The following PAIP2 variants were observed in gnomAD, a reference collection of about 807,000 sequenced individuals.
PAIP2 encodes the protein poly(A) binding protein interacting protein 2, also known as polyadenylate-binding protein-interacting protein 2.
In PAIP2, 7 loss-of-function variants were observed where a neutral mutation model predicts 14.8. That is an observed-to-expected ratio of 0.47 (90% confidence interval 0.27 to 0.89). The LOEUF (loss-of-function observed/expected upper bound fraction) is 0.89, where lower values mean the gene tolerates loss of function less well. PAIP2 is among the 40% of genes least tolerant of loss of function. The probability of loss-of-function intolerance (pLI) is 0.13; values close to 1 mark genes in which losing one functional copy is unlikely to be tolerated. For missense variants in PAIP2, 122 were observed against 154.7 expected (o/e 0.79, Z 1.12); for synonymous variants, 47 against 45.3 (o/e 1.04, Z -0.15).
intron 3 of PAIP2, among the ~76,000 whole-genome samples, chr5:139,368,160 C>A (rs1561967505): frequency 6.6e-6 from 1 of 152,082 alleles, no homozygotes; most frequent in Non-Finnish European, 1.5e-5. Context: ...ATGGTGAAAC[C>A]CCGTCTTTAC....
chr5:139,351,116 A>G (rs1034007157), intron 1 of PAIP2, among the ~76,000 whole-genome samples: 1 of 152,244 alleles, frequency 6.6e-6, no homozygotes, highest in East Asian at 1.9e-4. Context: ...CAAAAATAAA[A>G]TACAATACAT....
In PAIP2 at chr5:139,369,324, A is replaced by G. The variant is rs969701254; in HGVS notation, c.*526A>G. On this transcript the variant is annotated 3_prime_UTR_variant, in exon 4 of 4. Transcript: ENST00000265192. Reference sequence around the variant, plus strand: ...TTAGTCAGCAGATGAGTGCCAGTCCAGCCTTTTCTGGTATGTTATTGTTAG... The same window carrying G: ...TTAGTCAGCAGATGAGTGCCAGTCCGGCCTTTTCTGGTATGTTATTGTTAG... 6 of 152,914 alleles carry G rather than the reference A, an allele frequency of 3.9e-5. No homozygotes were observed. The highest frequency in any genetic ancestry group is 1.2e-4 in the African/African-American group (5 of 41,472). 9.5% of individuals were successfully genotyped at this position (152,914 alleles called of 1,614,324 possible).
chr5:139,367,472 C>G (rs1038943593), intron 3 of PAIP2: 2 of 152,114 alleles, frequency 1.3e-5, no homozygotes, highest in Non-Finnish European at 2.9e-5. Context: ...GCCCATTCCC[C>G]CCCACCCCTT....
intron 1 of PAIP2, among the ~76,000 whole-genome samples, chr5:139,359,246 C>G (rs1026504289): frequency 6.6e-6 from 1 of 152,134 alleles, no homozygotes; most frequent in South Asian, 2.1e-4. Flanking sequence ...AAGTGATTCT[C>G]CTGCCTCAGC....
intron 1 of PAIP2, among the ~76,000 whole-genome samples, chr5:139,360,831 A>G (rs886945614): frequency 6.6e-6 from 1 of 151,456 alleles, no homozygotes; most frequent in Middle Eastern, 3.4e-3. Context: ...CCCAGGCTGA[A>G]GTGCAGTGAT....
At chr5:139,367,971 A>T (rs559968345) in intron 3 of PAIP2, among the ~76,000 whole-genome samples, 1 of 152,290 alleles carries the variant, frequency 6.6e-6, no homozygotes, top group East Asian at 1.9e-4. Context: ...TAGGAGGCCG[A>T]GGCAGGCAGA....
At chr5:139,365,501 A>G (rs1483386554) in intron 3 of PAIP2, among the ~76,000 whole-genome samples, 1 of 152,058 alleles carries the variant, frequency 6.6e-6, no homozygotes, top group East Asian at 1.9e-4. Context: ...AAAAAAAGAA[A>G]AAAAAAATAC....
At chr5:139,351,963 C>G (rs1241281830) in intron 1 of PAIP2, among the ~76,000 whole-genome samples, 1 of 152,096 alleles carries the variant, frequency 6.6e-6, no homozygotes, top group Non-Finnish European at 1.5e-5. Flanking sequence ...TAAATTTGTG[C>G]AAAGACCCTG....
intron 3 of PAIP2, 66 bp from the exon 4 acceptor site, chr5:139,368,667 A>C: frequency 2.9e-6 from 3 of 1,047,836 alleles, no homozygotes; most frequent in Non-Finnish European, 4.4e-6. Flanking sequence ...TTGCATGAGG[A>C]TCTAGATTGA....
chr5:139,358,628 C>G (rs1756985247), intron 1 of PAIP2, among the ~76,000 whole-genome samples: 1 of 152,130 alleles, frequency 6.6e-6, no homozygotes, highest in African/African-American at 2.4e-5. Flanking sequence ...GCTCATTAAT[C>G]AGAGTAGATA....
chr5:139,360,336 T>C (rs1391843110), intron 1 of PAIP2, among the ~76,000 whole-genome samples: 1 of 152,170 alleles, frequency 6.6e-6, no homozygotes, highest in Admixed American at 6.5e-5. Flanking sequence ...TTCATCCAAG[T>C]TTAATGATAA....
intron 1 of PAIP2, among the ~76,000 whole-genome samples, chr5:139,345,407 A>G (rs1049108067): frequency 6.6e-6 from 1 of 152,130 alleles, no homozygotes; most frequent in Non-Finnish European, 1.5e-5. Flanking sequence ...GGTGCTTTTC[A>G]CAGACTTCAG....
intron 3 of PAIP2, among the ~76,000 whole-genome samples, chr5:139,366,585 G>A (rs764045054): frequency 6.6e-6 from 1 of 152,104 alleles, no homozygotes; most frequent in Non-Finnish European, 1.5e-5. Context: ...GATTACTTAC[G>A]GCTACATTAG....
At chr5:139,368,542 A>G (rs533729210) in intron 3 of PAIP2, among the ~76,000 whole-genome samples, 191 bp from the exon 4 acceptor site, 1 of 151,956 alleles carries the variant, frequency 6.6e-6, no homozygotes, top group East Asian at 1.9e-4. Context: ...AAAAGAAAAG[A>G]AAAAGTTGAT....
intron 1 of PAIP2, among the ~76,000 whole-genome samples, chr5:139,361,776 C>A (rs1581317497): frequency 1.3e-5 from 2 of 152,134 alleles, no homozygotes; most frequent in South Asian, 2.1e-4. Flanking sequence ...GAAACCCAGT[C>A]TCTACTAAAA....
At chr5:139,345,037 G>T (rs1476299388) in intron 1 of PAIP2, among the ~76,000 whole-genome samples, 1 of 149,032 alleles carries the variant, frequency 6.7e-6, no homozygotes, top group Non-Finnish European at 1.5e-5. Context: ...ATGGGTTTTT[G>T]TTGTTGTTGT....
At chr5:139,345,695 T>C (rs1756520756) in intron 1 of PAIP2, among the ~76,000 whole-genome samples, 1 of 151,200 alleles carries the variant, frequency 6.6e-6, no homozygotes, top group African/African-American at 2.4e-5. Context: ...TGGCATGATC[T>C]CATTTCACTG....
At chr5:139,352,747 AGG>A (rs1264428395) in intron 1 of PAIP2, among the ~76,000 whole-genome samples, 1 of 151,320 alleles carries the variant, frequency 6.6e-6, no homozygotes, top group Non-Finnish European at 1.5e-5. Context: ...CTGGGATTAC[AGG>A]CATGAGCCAC....
chr5:139,368,292 A>C (rs948651130), intron 3 of PAIP2, among the ~76,000 whole-genome samples: 1 of 152,098 alleles, frequency 6.6e-6, no homozygotes, highest in South Asian at 2.1e-4. Context: ...GTGAGCTGAG[A>C]TCGCGCCACT....
Sources: allele counts gnomAD v4.1 joint callset (sites outside exome capture counted in the v4.1 genomes callset), GRCh38; gene constraint gnomAD v4.1.1; transcripts MANE v1.5; gene names NCBI Gene and HGNC (gene_info 2026-07-23, HGNC 2026-07-21).